Variants in DNASE1 observed in about 807,000 individuals in gnomAD.
DNASE1 encodes the protein deoxyribonuclease 1, also known as deoxyribonuclease-1.
In DNASE1, 40 loss-of-function variants were observed where a neutral mutation model predicts 33.9. The observed-to-expected ratio is 1.18, with a 90% CI of 0.92 to 1.54. The LOEUF is 1.54. DNASE1 is among the 40% of genes most tolerant of loss of function. DNASE1 has a pLI of 0.00. For missense variants in DNASE1, 518 were observed against 372.6 expected, an observed-to-expected ratio of 1.39 and a Z score of -3.21; for synonymous variants, 216 against 160.0, an observed-to-expected ratio of 1.35 and a Z score of -2.64.
intron 1 of DNASE1, among the ~76,000 whole-genome samples, chr16:3,616,319 GT>G (rs1288339683): frequency 1.3e-5 from 2 of 152,182 alleles, no homozygotes; most frequent in Admixed American, 1.3e-4. Context: ...AAAAACCGAT[GT>G]TAAAATTCAT....
chr16:3,654,612 C>T (rs542467990), upstream of DNASE1: 13 of 398,776 alleles, frequency 3.3e-5, no homozygotes, highest in South Asian at 1.3e-4. Context: ...GGCCACCACA[C>T]GTGCAAGGGA....
At chr16:3,632,284 G>C (rs1486165204) in intron 1 of DNASE1, among the ~76,000 whole-genome samples, 1 of 152,088 alleles carries the variant, frequency 6.6e-6, no homozygotes. Flanking sequence ...TCTGCCTGCT[G>C]GATCTGTCCA....
chr16:3,623,173 C>T (rs928143067), intron 1 of DNASE1, among the ~76,000 whole-genome samples: 1 of 152,070 alleles, frequency 6.6e-6, no homozygotes, highest in African/African-American at 2.4e-5. Flanking sequence ...GAATAGAGAA[C>T]CCAGAAGTAA....
downstream of DNASE1, chr16:3,662,890 T>A (rs1228147406): frequency 6.2e-7 from 1 of 1,613,598 alleles, no homozygotes; most frequent in Admixed American, 1.7e-5. Flanking sequence ...ACCTTCACGT[T>A]GGTGACACGC....
downstream of DNASE1, chr16:3,659,004 C>T (rs1050804095): frequency 1.3e-6 from 1 of 797,230 alleles, no homozygotes; most frequent in Non-Finnish European, 2.0e-6. Context: ...TGTTAATGAT[C>T]ATTTATAGAT....
upstream of DNASE1, among the ~76,000 whole-genome samples, chr16:3,641,477 G>T (rs2042020757): frequency 1.3e-5 from 2 of 152,164 alleles, no homozygotes; most frequent in Admixed American, 1.3e-4. Context: ...TGGGGAGTCT[G>T]GGGCAGGGTG....
intron 1 of DNASE1, among the ~76,000 whole-genome samples, chr16:3,643,895 G>C (rs946621611): frequency 6.6e-6 from 1 of 152,076 alleles, no homozygotes; most frequent in Non-Finnish European, 1.5e-5. Flanking sequence ...CCAGTAGCTG[G>C]GACTACAGGC....
chr16:3,618,811 G>C (rs1380015551), intron 1 of DNASE1, among the ~76,000 whole-genome samples: 2 of 152,182 alleles, frequency 1.3e-5, no homozygotes, highest in African/African-American at 4.8e-5. Context: ...ACAAAATGTA[G>C]TATAGAATGG....
At chr16:3,643,605 G>C (rs1479088485) in intron 1 of DNASE1, among the ~76,000 whole-genome samples, 5 of 152,196 alleles carry the variant, frequency 3.3e-5, no homozygotes, top group Admixed American at 3.3e-4. Context: ...CTTCTGTCAC[G>C]CACAGTCCCT....
upstream of DNASE1, chr16:3,640,872 G>A: frequency 2.5e-6 from 1 of 398,580 alleles, no homozygotes; most frequent in Non-Finnish European, 4.4e-6. Context: ...ACCTCCTCAT[G>A]GGCTCAAGCG....
intron 1 of DNASE1, among the ~76,000 whole-genome samples, chr16:3,619,089 C>T (rs2041210133): frequency 6.6e-6 from 1 of 151,844 alleles, no homozygotes; most frequent in African/African-American, 2.4e-5. Flanking sequence ...GAATGGAGTG[C>T]AGTGGGGCAA....
At chr16:3,650,428 G>A (rs1478043138), upstream of DNASE1, among the ~76,000 whole-genome samples, 2 of 152,128 alleles carry the variant, frequency 1.3e-5, no homozygotes, top group Non-Finnish European at 2.9e-5. Flanking sequence ...AGATGATGCA[G>A]GATATACGCT....
At chr16:3,616,339 G>C (rs1180465506) in intron 1 of DNASE1, among the ~76,000 whole-genome samples, 1 of 152,210 alleles carries the variant, frequency 6.6e-6, no homozygotes, top group African/African-American at 2.4e-5. Context: ...ATATGGAATT[G>C]GCCGGGTGCG....
At chr16:3,619,585 T>C (rs1232534329) in intron 1 of DNASE1, among the ~76,000 whole-genome samples, 1 of 151,440 alleles carries the variant, frequency 6.6e-6, no homozygotes, top group East Asian at 1.9e-4. Context: ...ATGGTCTCTA[T>C]CTGCGGACCT....
downstream of DNASE1, chr16:3,660,935 T>A: frequency 6.8e-6 from 1 of 146,520 alleles, no homozygotes; most frequent in East Asian, 2.1e-4. Context: ...AAAATTAAAA[T>A]ACTACTTAGG....
intron 1 of DNASE1, among the ~76,000 whole-genome samples, chr16:3,619,348 T>C (rs1029673048): frequency 6.7e-6 from 1 of 148,410 alleles, no homozygotes; most frequent in African/African-American, 2.5e-5. Context: ...TGGGTAATTT[T>C]CTTTCTTTCT....
chr16:3,647,262 A>G (rs78353789), intron 1 of DNASE1, among the ~76,000 whole-genome samples: 1 of 130,230 alleles, frequency 7.7e-6, no homozygotes, highest in African/African-American at 2.9e-5. Context: ...TAATCATGGG[A>G]TTTTTTTTTT....
downstream of DNASE1, chr16:3,658,936 ATTATCAGGATAT>A (rs2042895461): frequency 2.7e-6 from 4 of 1,504,792 alleles, no homozygotes; most frequent in Non-Finnish European, 3.7e-6. Context: ...ATGTTTTGGG[ATTATCAGGATAT>A]TTAAAGAAGC....
chr16:3,613,173 GCTTT>G (rs749598596), intron 1 of DNASE1, among the ~76,000 whole-genome samples: 27 of 152,016 alleles, frequency 1.8e-4, no homozygotes, highest in Non-Finnish European at 3.1e-4. Context: ...TCACTTATCG[GCTTT>G]CTGTCTCTGT....
Sources: allele counts gnomAD v4.1 joint callset (sites outside exome capture counted in the v4.1 genomes callset), GRCh38; gene constraint gnomAD v4.1.1; transcripts MANE v1.5; gene names NCBI Gene and HGNC (gene_info 2026-07-23, HGNC 2026-07-21).